The following SPAG16 variants were observed in gnomAD, a reference collection of about 807,000 sequenced individuals.
SPAG16 encodes sperm-associated antigen 16 protein.
Under a neutral mutation model 80.4 loss-of-function variants are expected in SPAG16, and 86 were observed. The observed-to-expected ratio is 1.07, with a 90% CI of 0.90 to 1.28. The LOEUF is 1.28. SPAG16 is among the 50% of genes most tolerant of loss of function. The pLI is 0.00. For synonymous variants in SPAG16, 294 were observed against 265.9 expected, an observed-to-expected ratio of 1.11 and a Z score of -1.03; for missense variants, 870 against 765.3, an observed-to-expected ratio of 1.14 and a Z score of -1.61.
chr2:213,417,284 T>G (rs983758254), intron 9 of SPAG16, among the ~76,000 whole-genome samples: 3 of 152,252 alleles, frequency 2.0e-5, no homozygotes, highest in African/African-American at 7.2e-5. Context: ...ACTGGAAAAC[T>G]TTGCTTTAGG....
intron 7 of SPAG16, among the ~76,000 whole-genome samples, chr2:213,361,415 AAT>A (rs139385898): frequency 2.0e-5 from 3 of 148,116 alleles, no homozygotes; most frequent in African/African-American, 7.4e-5. Context: ...ACTAAATCTA[AAT>A]ATATATATAT....
chr2:214,212,585 C>T (rs2125752580), intron 15 of SPAG16, among the ~76,000 whole-genome samples: 1 of 152,084 alleles, frequency 6.6e-6, no homozygotes, highest in South Asian at 2.1e-4. Context: ...TATTTATATG[C>T]TAAGTTAGAC....
intron 10 of SPAG16, among the ~76,000 whole-genome samples, chr2:213,790,685 C>A (rs954625397): frequency 6.6e-6 from 1 of 151,894 alleles, no homozygotes; most frequent in East Asian, 1.9e-4. Context: ...TATGCATCCT[C>A]AAGCATCTAT....
chr2:213,895,284 G>T (rs2076952908), intron 11 of SPAG16, among the ~76,000 whole-genome samples: 1 of 151,968 alleles, frequency 6.6e-6, no homozygotes, highest in Non-Finnish European at 1.5e-5. Context: ...AGAAACAAAT[G>T]AAAAGATATT....
rs550545446 is a variant in SPAG16 at position 213,455,120 on chromosome 2, C to T, written c.943-34843C>T. 2.0e-5 allele frequency among the ~76,000 whole-genome samples: 3 copies of T among 152,260 alleles called. No individual in the cohort carries two copies. In the South Asian group the frequency reaches 6.2e-4, roughly 32 times the overall value. On this transcript the variant is annotated intron_variant, in intron 9 of 15. Transcript: ENST00000331683. ...CAAATGCTGGATAATGAAATTTGTT[C>T]AGAGTTTGACTTTTTATTCATTTTC...
chr2:214,091,585 G>A (rs1353554020), intron 13 of SPAG16, among the ~76,000 whole-genome samples: 1 of 152,088 alleles, frequency 6.6e-6, no homozygotes, highest in Admixed American at 6.6e-5. Flanking sequence ...CTTATTCAGT[G>A]TATGCAATTA....
Position 214,320,673 on chromosome 2 carries a change from G to A in SPAG16, c.1721-89467G>A, listed in dbSNP as rs140221461. 3.5e-3 allele frequency among the ~76,000 whole-genome samples: 531 copies of A among 152,222 alleles called. 5 individuals carry two copies. Among genetic ancestry groups the A allele is most frequent in the Non-Finnish European group, 6.0e-3 (407 of 68,004 alleles). On this transcript the variant is annotated intron_variant, in intron 15 of 15. Coordinates refer to ENST00000331683, the MANE Select transcript of SPAG16 (RefSeq NM_024532.5). ...AAGGGCTGTGCAAAGGGGGCAGGGCGCCTTATAAAACCATCAGATCTCTTG... is the reference window on the plus strand; with the variant it reads ...AAGGGCTGTGCAAAGGGGGCAGGGCACCTTATAAAACCATCAGATCTCTTG...
At chr2:213,990,763 AT>A (rs553110407) in intron 12 of SPAG16, among the ~76,000 whole-genome samples, 156 of 152,216 alleles carry the variant, frequency 1.0e-3, no homozygotes, top group African/African-American at 3.7e-3. Flanking sequence ...AAGTGGACTC[AT>A]GTAGTTTAAA....
chr2:214,038,210 T>C (rs574610428), intron 13 of SPAG16, among the ~76,000 whole-genome samples: 2 of 152,328 alleles, frequency 1.3e-5, no homozygotes, highest in East Asian at 1.9e-4. Context: ...GACTGTACTT[T>C]TGTTCTAGCA....
intron 13 of SPAG16, among the ~76,000 whole-genome samples, chr2:214,057,723 G>C (rs548183874): frequency 1.3e-4 from 20 of 152,200 alleles, no homozygotes; most frequent in African/African-American, 4.8e-4. Flanking sequence ...CCAATAGAAG[G>C]CTTTTTCATC....
intron 11 of SPAG16, among the ~76,000 whole-genome samples, chr2:213,879,475 G>C (rs2076265037): frequency 6.6e-6 from 1 of 151,692 alleles, no homozygotes; most frequent in African/African-American, 2.4e-5. Context: ...TTCTCAGCTT[G>C]ATGATTATCA....
intron 5 of SPAG16, among the ~76,000 whole-genome samples, chr2:213,323,543 C>A (rs2063717776): frequency 6.6e-6 from 1 of 152,156 alleles, no homozygotes. Context: ...GGTGCAGCCA[C>A]CACTGAAAAC....
intron 15 of SPAG16, among the ~76,000 whole-genome samples, chr2:214,173,042 T>G (rs1473068152): frequency 3.3e-5 from 5 of 151,252 alleles, no homozygotes; most frequent in African/African-American, 9.6e-5. Context: ...TCCCATTTTG[T>G]AGGTTGCCTG....
chr2:213,586,756 C>T (rs2060488697), intron 10 of SPAG16, among the ~76,000 whole-genome samples: 1 of 152,196 alleles, frequency 6.6e-6, no homozygotes, highest in Admixed American at 6.5e-5. Context: ...TGTGTGTTTA[C>T]AAATTACAAT....
intron 12 of SPAG16, among the ~76,000 whole-genome samples, chr2:214,001,243 C>A (rs1312542392): frequency 2.6e-5 from 4 of 152,040 alleles, no homozygotes; most frequent in Non-Finnish European, 5.9e-5. Context: ...AATTTATTTC[C>A]TTTTGTGTTT....
At chr2:213,891,134 A>G (rs571311918) in intron 11 of SPAG16, among the ~76,000 whole-genome samples, 6 of 152,188 alleles carry the variant, frequency 3.9e-5, no homozygotes, top group South Asian at 2.1e-4. Flanking sequence ...AAAAAGCATA[A>G]TAACAATTTT....
intron 13 of SPAG16, among the ~76,000 whole-genome samples, chr2:214,049,662 A>G (rs994386162): frequency 3.3e-5 from 5 of 152,200 alleles, no homozygotes; most frequent in Non-Finnish European, 7.3e-5. Context: ...TTGTGCATTC[A>G]GTGGGCTCCA....
chr2:213,472,671 A>G (rs934181492), intron 9 of SPAG16, among the ~76,000 whole-genome samples: 11 of 152,112 alleles, frequency 7.2e-5, no homozygotes, highest in African/African-American at 2.7e-4. Context: ...GTCTATGCCA[A>G]TTATGTGTTC....
At chr2:213,486,093 C>G (rs1319177222) in intron 9 of SPAG16, among the ~76,000 whole-genome samples, 1 of 152,066 alleles carries the variant, frequency 6.6e-6, no homozygotes, top group African/African-American at 2.4e-5. Flanking sequence ...TTATTCTCTT[C>G]TAGCTATTTT....
Sources: gnomAD v4.1 joint callset for allele counts (sites outside exome capture counted in the v4.1 genomes callset) on GRCh38, gnomAD v4.1.1 for gene constraint, MANE v1.5 for transcripts, NCBI Gene and HGNC (gene_info 2026-07-23, HGNC 2026-07-21) for gene names.